Variants in NAV2 observed in about 807,000 individuals in gnomAD.
NAV2 encodes the protein helicase, APC down-regulated 1.
Under a neutral mutation model 223.2 loss-of-function variants are expected in NAV2, and 54 were observed. That is an observed-to-expected ratio of 0.24 (90% CI 0.19 to 0.30). The LOEUF is 0.30. Among genes scored for constraint, NAV2 ranks in the 10% least tolerant of loss-of-function variants. The probability of loss-of-function intolerance (pLI) is 1.00; values close to 1 mark genes in which losing one functional copy is unlikely to be tolerated. For missense variants in NAV2, 2,806 were observed against 3,147.5 expected, an observed-to-expected ratio of 0.89 and a Z score of 2.60; for synonymous variants, 1,279 against 1,239.3, an observed-to-expected ratio of 1.03 and a Z score of -0.67.
At chr11:19,690,085 C>A (rs985711884) in intron 1 of NAV2, among the ~76,000 whole-genome samples, 2 of 152,152 alleles carry the variant, frequency 1.3e-5, no homozygotes, top group African/African-American at 4.8e-5. Context: ...ATTCTTCTGC[C>A]TCAGCCTCCT....
At chr11:19,954,672 TG>T (rs1464654453) in intron 10 of NAV2, among the ~76,000 whole-genome samples, 1 of 152,196 alleles carries the variant, frequency 6.6e-6, no homozygotes, top group East Asian at 1.9e-4. Context: ...ATGCATCATT[TG>T]CATGTATAAT....
Position 20,055,769 on chromosome 11 carries a change from C to T in NAV2, c.4643C>T (p.Ala1548Val), listed in dbSNP as rs147439502. The T allele has an allele frequency of 2.4e-5, 38 of 1,612,938 alleles. No homozygotes were observed. The highest frequency in any genetic ancestry group is 1.6e-4 in the African/African-American group (12 of 74,994). The change falls in exon 19 of 38, where the codon GCG (alanine) becomes GTG (valine). Residue 1548 changes from alanine (A) to valine (V), a missense_variant and splice_region_variant. Transcript: ENST00000349880. The stretch of plus-strand genomic sequence containing the variant: ...TTTGATTCTATTCCTTTTATTCCAG[C>T]GAGTCCCACCACTGTCACCCAGATG... ...SGTRFNFSQL[A>V]SPTTVTQMSL... is the part of the protein sequence containing the mutation.
intron 1 of NAV2, among the ~76,000 whole-genome samples, chr11:19,383,635 A>G (rs1338913308): frequency 3.3e-5 from 5 of 152,168 alleles, no homozygotes; most frequent in African/African-American, 1.2e-4. Flanking sequence ...GTCCCAGGTT[A>G]CCATTTCATG....
intron 11 of NAV2, among the ~76,000 whole-genome samples, chr11:20,016,635 A>G (rs1015770217): frequency 3.3e-5 from 5 of 152,204 alleles, no homozygotes; most frequent in Non-Finnish European, 7.3e-5. Flanking sequence ...GGGATCCACA[A>G]TCTGGGTAAA....
intron 8 of NAV2, among the ~76,000 whole-genome samples, chr11:19,940,598 G>A (rs576235598): frequency 2.6e-5 from 4 of 152,246 alleles, no homozygotes; most frequent in South Asian, 2.1e-4. Context: ...TTCCACAGTC[G>A]GGTTAAAAAC....
At chr11:19,397,418 T>TGTGTGTGTGTGTGTGTGTGTGTGCGCGC (rs57566081) in intron 1 of NAV2, among the ~76,000 whole-genome samples, 2 of 145,264 alleles carry the variant, frequency 1.4e-5, no homozygotes, top group Admixed American at 1.4e-4. Flanking sequence ...TGTGTGTGTG[T>TGTGTGTGTGTGTGTGTGTGTGTGCGCGC]GCGCGCATGT....
chr11:19,714,565 C>A, intron 1 of NAV2: 1 of 432,988 alleles, frequency 2.3e-6, no homozygotes, highest in South Asian at 1.6e-5. Flanking sequence ...CCAGCTGAGG[C>A]CGGCAGCTGG....
chr11:19,586,635 G>A (rs2045905618), intron 1 of NAV2, among the ~76,000 whole-genome samples: 1 of 152,206 alleles, frequency 6.6e-6, no homozygotes, highest in Non-Finnish European at 1.5e-5. Flanking sequence ...GGAGTTTGCT[G>A]GAGGTCCACT....
intron 1 of NAV2, among the ~76,000 whole-genome samples, chr11:19,540,715 C>G (rs2044316814): frequency 6.6e-6 from 1 of 152,164 alleles, no homozygotes; most frequent in African/African-American, 2.4e-5. Context: ...CTTGGAGATT[C>G]CCAATGCACT....
At chr11:20,040,879 G>T (rs899743511) in intron 12 of NAV2, among the ~76,000 whole-genome samples, 6 of 152,168 alleles carry the variant, frequency 3.9e-5, no homozygotes, top group African/African-American at 1.4e-4. Context: ...TAATCCCAAG[G>T]GGTGCCACCT....
chr11:19,786,206 A>T (rs1346568024), intron 1 of NAV2, among the ~76,000 whole-genome samples: 1 of 152,220 alleles, frequency 6.6e-6, no homozygotes, highest in Non-Finnish European at 1.5e-5. Flanking sequence ...TCTACAGTGC[A>T]GTTCCAGGAT....
rs932556799 is a variant in NAV2, at chr11:19,777,111, C to T, written c.268-55373C>T. On this transcript the variant is annotated intron_variant, in intron 1 of 37. Coordinates refer to ENST00000349880, the MANE Select transcript of NAV2 (RefSeq NM_145117.5). ...GCCGCCGACCCCCCCCCCCACCCCG[C>T]CCTCGGCCGCCGCGGCCCCAGCGGC... Among the ~76,000 whole-genome samples, 7 of 151,436 alleles carry T rather than the reference C, an allele frequency of 4.6e-5. 1 individual carries two copies. The South Asian group carries it at 1.0e-3, about 22-fold the overall frequency.
chr11:19,630,576 C>T (rs900682216), intron 1 of NAV2, among the ~76,000 whole-genome samples: 1 of 152,172 alleles, frequency 6.6e-6, no homozygotes, highest in Non-Finnish European at 1.5e-5. Flanking sequence ...CATGCTTCCA[C>T]ACAATACTAC....
At chr11:20,098,900 C>T (rs775861227) in intron 31 of NAV2, among the ~76,000 whole-genome samples, 3 of 152,226 alleles carry the variant, frequency 2.0e-5, no homozygotes, top group Non-Finnish European at 4.4e-5. Flanking sequence ...CTTTGCCCAT[C>T]GGCTGTGCTT....
chr11:19,581,912 T>C (rs1286599498), intron 1 of NAV2, among the ~76,000 whole-genome samples: 2 of 152,250 alleles, frequency 1.3e-5, no homozygotes, highest in African/African-American at 4.8e-5. Context: ...ATGGTATTTC[T>C]AGTTCTAGAT....
chr11:19,888,672 C>G (rs983077619), intron 5 of NAV2, among the ~76,000 whole-genome samples: 2 of 152,142 alleles, frequency 1.3e-5, no homozygotes, highest in African/African-American at 4.8e-5. Flanking sequence ...CTTCCCTGCC[C>G]TGCTTTCTTC....
chr11:20,066,683 C>T (rs912253016), intron 20 of NAV2, among the ~76,000 whole-genome samples: 5 of 152,158 alleles, frequency 3.3e-5, no homozygotes, highest in Non-Finnish European at 5.9e-5. Context: ...ATGAATCATA[C>T]CCACTTTGTA....
intron 18 of NAV2, 139 bp from the exon 19 acceptor site, chr11:20,055,627 GACT>G (rs1387573027): frequency 4.2e-6 from 3 of 722,832 alleles, no homozygotes; most frequent in Admixed American, 2.8e-5. Context: ...ATGCTGATGG[GACT>G]ACCTTTTAGA....
intron 1 of NAV2, among the ~76,000 whole-genome samples, chr11:19,569,943 C>A (rs750519689): frequency 2.0e-5 from 3 of 152,214 alleles, no homozygotes; most frequent in Non-Finnish European, 4.4e-5. Context: ...AGATGACTTT[C>A]CCCTTGTATT....
Sources: allele counts gnomAD v4.1 joint callset (sites outside exome capture counted in the v4.1 genomes callset), GRCh38; gene constraint gnomAD v4.1.1; transcripts MANE v1.5; gene names NCBI Gene and HGNC (gene_info 2026-07-23, HGNC 2026-07-21).